AP3D1: variants seen among roughly 807,000 people sequenced by gnomAD.
The protein encoded by AP3D1 is adaptor related protein complex 3 subunit delta 1, also known as AP-3 complex subunit delta-1.
AP3D1 carries 51 observed loss-of-function variants against 147.6 expected under a neutral mutation model. The ratio of observed to expected loss-of-function variants is 0.35; its 90% CI spans 0.28 to 0.44. The LOEUF is 0.44. Ranked by LOEUF, AP3D1 falls within the 20% of genes least tolerant of loss-of-function variation. AP3D1 has a pLI of 1.00. For synonymous variants in AP3D1, 760 were observed against 663.0 expected, an observed-to-expected ratio of 1.15 and a Z score of -2.25; for missense variants, 1,421 against 1,624.2, an observed-to-expected ratio of 0.87 and a Z score of 2.15.
chr19:2,114,663 C>T, intron 21 of AP3D1, 85 bp downstream of exon 21: 3 of 1,194,996 alleles, frequency 2.5e-6, no homozygotes, highest in Non-Finnish European at 3.7e-6. Context: ...CCTGCAGAGC[C>T]CGGCCCCACC....
chr19:2,157,463 A>G (rs1178201863), intron 1 of AP3D1, among the ~76,000 whole-genome samples: 3 of 149,898 alleles, frequency 2.0e-5, no homozygotes, highest in East Asian at 2.0e-4. Flanking sequence ...AAAAAAAAGA[A>G]AAAAACAAAC....
chr19:2,109,552 G>C (rs1050678747), intron 29 of AP3D1: 1 of 487,970 alleles, frequency 2.0e-6, no homozygotes, highest in East Asian at 3.4e-5. Context: ...GGGGGAGGGG[G>C]TGCCGCACGC....
rs539653819 is a variant in AP3D1 at position 2,118,907 on chromosome 19, G to A, written c.1482-75C>T. On this transcript the variant is annotated intron_variant, in intron 14 of 31. Transcript: ENST00000643116. Reference sequence around the variant, plus strand: ...CTCTCTAGCAGGTGAGGACCTAGGAGGCCTGGGCTCGTCACCAACAAGGTG... The same window carrying A: ...CTCTCTAGCAGGTGAGGACCTAGGAAGCCTGGGCTCGTCACCAACAAGGTG... 66 of 1,403,684 alleles carry A rather than the reference G, an allele frequency of 4.7e-5. No homozygotes were observed. In the African/African-American group the frequency reaches 8.0e-4, roughly 17 times the overall value. The allele number at this position is 1,403,684 out of a possible 1,614,324, so 87.0% of individuals were successfully genotyped here.
At position 2,132,591 on chromosome 19, in the gene AP3D1, A is replaced by C; in HGVS notation, c.355-13T>G. ...GGCTGCTCAAGTCCTGGAAAGTGAG[A>C]GAAAGGGGCCGTGGCCAGGATGCCC... On this transcript the variant is annotated splice_polypyrimidine_tract_variant and intron_variant, in intron 4 of 31. Transcript: ENST00000643116. 1 of 1,594,414 alleles carries C rather than the reference A, an allele frequency of 6.3e-7. No homozygotes were observed. The highest frequency in any genetic ancestry group is 8.6e-7 in the Non-Finnish European group (1 of 1,164,114).
At chr19:2,164,494 C>T (rs2019832534), upstream of AP3D1, 3 of 320,346 alleles carry the variant, frequency 9.4e-6, no homozygotes, top group Non-Finnish European at 1.1e-5. Flanking sequence ...AGCCGGCGCC[C>T]CCGAGCCCTA....
At chr19:2,152,718 A>T (rs2019574635), upstream of AP3D1, among the ~76,000 whole-genome samples, 1 of 151,286 alleles carries the variant, frequency 6.6e-6, no homozygotes. Context: ...TCTACTAAAA[A>T]TACAAAAATT....
intron 1 of AP3D1, among the ~76,000 whole-genome samples, chr19:2,157,656 G>GA (rs1312450265): frequency 8.8e-6 from 1 of 113,766 alleles, no homozygotes; most frequent in Non-Finnish European, 1.7e-5. Flanking sequence ...AACGTTAGTT[G>GA]AAAAAAACAA....
At chr19:2,145,917 C>G (rs1194299156) in intron 1 of AP3D1, among the ~76,000 whole-genome samples, 1 of 152,248 alleles carries the variant, frequency 6.6e-6, no homozygotes. Context: ...CACTCATAAG[C>G]AGGGCAGCTG....
rs750356074 is a variant in AP3D1, at chr19:2,109,962, C to T, written c.3265-4G>A. On this transcript the variant is annotated splice_polypyrimidine_tract_variant and splice_region_variant and intron_variant, in intron 28 of 31. Coordinates refer to ENST00000643116, the MANE Select transcript of AP3D1 (RefSeq NM_001261826.3). The stretch of plus-strand genomic sequence containing the variant: ...CGTGGGTCGCACCCTCGTCATTCTG[C>T]GGTGGAGTGAAGGTGGTGCAGTTGA... The T allele has an allele frequency of 4.3e-6, 7 of 1,613,482 alleles. No homozygotes were observed. The highest frequency in any genetic ancestry group is 2.2e-5 in the East Asian group (1 of 44,870).
rs1454314535 is a variant in AP3D1 at position 2,136,952 on chromosome 19, C to T, written c.354+59G>A. 5.4e-6 allele frequency: 8 copies of T among 1,483,960 alleles called. No individual in the cohort carries two copies. The African/African-American group carries it at 8.4e-5, about 16-fold the overall frequency. The allele number at this position is 1,483,960 out of a possible 1,614,324, so 91.9% of individuals were successfully genotyped here. On this transcript the variant is annotated intron_variant, in intron 4 of 31. Coordinates refer to ENST00000643116, the MANE Select transcript of AP3D1 (RefSeq NM_001261826.3). ...CAGGAAGACGCGTGTGGGAACCAGA[C>T]GCTCCGGCAAGGGCAGACTGCACTC... is the stretch of plus-strand genomic sequence containing the variant.
In AP3D1 at chr19:2,121,159, G is replaced by A. The variant is rs575594574; in HGVS notation, c.1250+4C>T. On this transcript the variant is annotated splice_donor_region_variant and intron_variant, in intron 13 of 31. Coordinates refer to ENST00000643116, the MANE Select transcript of AP3D1 (RefSeq NM_001261826.3). ...CCGGCCACACCCCTGGGAGCGGGAC[G>A]CACCACTCGAAGTTGGTGATGTACT... 9.9e-6 allele frequency: 16 copies of A among 1,614,152 alleles called. No homozygotes were observed. The highest frequency in any genetic ancestry group is 1.6e-4 in the Middle Eastern group (1 of 6,062).
chr19:2,162,457 T>TA lies in AP3D1; in HGVS notation c.-103+1898dup, dbSNP rs376344158. Among the ~76,000 whole-genome samples the TA allele has an allele frequency of 6.1e-3, 913 of 150,668 alleles. 8 individuals carry two copies. Among genetic ancestry groups the TA allele is most frequent in the African/African-American group, 0.021 (866 of 41,114 alleles). On this transcript the variant is annotated intron_variant, in intron 1 of 14. Transcript: ENST00000643010. ...ATCACTTGAGTTTGAGATTAGGAGTTAGAGACCAGCCTGGCCAACATGGCG... is the reference window on the plus strand; with the variant it reads ...ATCACTTGAGTTTGAGATTAGGAGTTAAGAGACCAGCCTGGCCAACATGGCG...
At chr19:2,102,722 T>C (rs2017989298) in intron 31 of AP3D1, among the ~76,000 whole-genome samples, 3 of 121,554 alleles carry the variant, frequency 2.5e-5, no homozygotes, top group Admixed American at 9.3e-5. Flanking sequence ...AGCGAGACTG[T>C]CTCAAAAAAT....
At chr19:2,106,247 A>G (rs766926550) in intron 31 of AP3D1, among the ~76,000 whole-genome samples, 6 of 151,970 alleles carry the variant, frequency 3.9e-5, no homozygotes, top group Non-Finnish European at 8.8e-5. Flanking sequence ...GGACCCAGCA[A>G]TCACACTCCC....
chr19:2,162,156 C>T (rs1045514354), intron 1 of AP3D1, among the ~76,000 whole-genome samples: 2 of 150,490 alleles, frequency 1.3e-5, no homozygotes, highest in African/African-American at 2.4e-5. Context: ...CCTGCCTCAG[C>T]CTCATGAGTA....
At chr19:2,155,136 G>A (rs2019634576), upstream of AP3D1, among the ~76,000 whole-genome samples, 1 of 152,018 alleles carries the variant, frequency 6.6e-6, no homozygotes, top group South Asian at 2.1e-4. Flanking sequence ...AGCCGAGATC[G>A]CGCCATTGCA....
intron 17 of AP3D1, 138 bp downstream of exon 17, chr19:2,116,467 G>A (rs734727): frequency 1.6e-6 from 2 of 1,280,396 alleles, no homozygotes; most frequent in East Asian, 2.5e-5. Context: ...AATCGCTAAC[G>A]CTCTGGGAGG....
chr19:2,109,642 C>T, intron 29 of AP3D1: 1 of 556,052 alleles, frequency 1.8e-6, no homozygotes, highest in South Asian at 2.2e-5. Context: ...TTCAGGACTT[C>T]CAGGGGCCTG....
intron 1 of AP3D1, 68 bp from the exon 2 acceptor site, chr19:2,138,782 C>G: frequency 2.5e-6 from 3 of 1,186,176 alleles, no homozygotes; most frequent in Non-Finnish European, 3.7e-6. Context: ...TGATTTCGGG[C>G]CAGGCACAGT....
Sources: allele counts gnomAD v4.1 joint callset (sites outside exome capture counted in the v4.1 genomes callset), GRCh38; gene constraint gnomAD v4.1.1; transcripts MANE v1.5; gene names NCBI Gene and HGNC (gene_info 2026-07-23, HGNC 2026-07-21).